Variants in HPN observed in about 807,000 individuals in gnomAD.
The protein encoded by HPN is serine protease hepsin.
A neutral mutation model predicts 55.9 loss-of-function variants in HPN; 13 were observed. That is an observed-to-expected ratio of 0.23 (90% CI 0.15 to 0.37). HPN has a LOEUF of 0.37. HPN is among the 10% of genes least tolerant of loss of function. The pLI is 1.00. For synonymous variants in HPN, 225 were observed against 240.3 expected (o/e 0.94, Z 0.59); for missense variants, 451 against 575.8 (o/e 0.78, Z 2.22).
chr19:35,058,358 T>G (rs1449935339), intron 4 of HPN, among the ~76,000 whole-genome samples: 1 of 148,984 alleles, frequency 6.7e-6, no homozygotes, highest in Non-Finnish European at 1.5e-5. Context: ...TTTTGTAGTT[T>G]TCATAGAGAC....
intron 4 of HPN, among the ~76,000 whole-genome samples, chr19:35,055,645 C>A (rs1462711398): frequency 6.6e-6 from 1 of 151,942 alleles, no homozygotes; most frequent in Non-Finnish European, 1.5e-5. Flanking sequence ...TCCACTGCCC[C>A]CACCCTGCTC....
intron 9 of HPN, among the ~76,000 whole-genome samples, chr19:35,063,184 C>G (rs939211631): frequency 2.0e-5 from 3 of 152,148 alleles, no homozygotes; most frequent in Admixed American, 6.5e-5. Flanking sequence ...GGAAAAGGTC[C>G]CAACCCAAAG....
intron 2 of HPN, among the ~76,000 whole-genome samples, chr19:35,048,082 A>AAAAAGGAAGG (rs1555723025): frequency 3.1e-5 from 3 of 97,034 alleles, no homozygotes; most frequent in South Asian, 3.6e-4. Flanking sequence ...GAAAGAAAGA[A>AAAAAGGAAGG]AAGGAAGGAA....
chr19:35,066,065 G>A, intron 12 of HPN, 33 bp downstream of exon 12: 1 of 1,609,706 alleles, frequency 6.2e-7, no homozygotes, highest in Non-Finnish European at 8.5e-7. Context: ...AGCCAGGGTG[G>A]GGACGTTTGG....
rs761928096 is a variant in HPN, at chr19:35,049,381, C to T, written c.108C>T (p.Ser36=). Residue 36 remains serine, a synonymous_variant, in exon 3 of 13, where the codon TCC becomes TCT. Transcript: ENST00000672452. ...TTCTGACAGCCATCGGGGCGGCATC[C>T]TGGGCCATTGGTGAGAGCGGTTCCT... ...LLLLTAIGAA[S]WAIVAVLLRS... 2 of 1,605,294 alleles carry T rather than the reference C, an allele frequency of 1.2e-6. No individual in the cohort carries two copies. Among genetic ancestry groups the T allele is most frequent in the Non-Finnish European group, 1.7e-6 (2 of 1,174,686 alleles).
chr19:35,052,747 C>T (rs1213100888), intron 4 of HPN, among the ~76,000 whole-genome samples: 19 of 152,122 alleles, frequency 1.2e-4, no homozygotes, highest in African/African-American at 4.1e-4. Context: ...TTACTCCTGG[C>T]GAACTCCAGG....
intron 4 of HPN, 21 bp downstream of exon 4, chr19:35,049,537 C>A: frequency 6.3e-7 from 1 of 1,587,698 alleles, no homozygotes; most frequent in African/African-American, 1.3e-5. Flanking sequence ...CAGGCTGGGA[C>A]CCTCTGGGGG....
rs769972239 is a variant in HPN at position 35,065,341 on chromosome 19, C to T, written c.903C>T (p.Tyr301=). ...CTVTGWGNTQ[Y]YGQQAGVLQE... is the part of the protein sequence containing the mutation. ...TGACGGGCTGGGGCAACACGCAGTACTATGGTGAGTCCTGTCCTCTGCCTC... is the reference window on the plus strand; with the variant it reads ...TGACGGGCTGGGGCAACACGCAGTATTATGGTGAGTCCTGTCCTCTGCCTC... The change falls in exon 10 of 13, where the codon TAC becomes TAT. Residue 301 remains tyrosine, a synonymous_variant. Coordinates refer to ENST00000672452, the MANE Select transcript of HPN (RefSeq NM_001384133.1). 2.5e-6 allele frequency: 4 copies of T among 1,612,502 alleles called. No homozygotes were observed. The East Asian group carries it at 8.9e-5, about 36-fold the overall frequency.
chr19:35,060,567 T>G, intron 8 of HPN, 55 bp downstream of exon 8: 1 of 1,612,068 alleles, frequency 6.2e-7, no homozygotes, highest in Non-Finnish European at 8.5e-7. Flanking sequence ...GGAGAGACAG[T>G]GGGGAGGAGG....
rs752001633 is a variant in HPN, at chr19:35,066,017, C to T, written c.1200C>T (p.Ile400=). 3.7e-6 allele frequency: 6 copies of T among 1,611,316 alleles called. No individual in the cohort carries two copies. In the South Asian group the frequency reaches 6.6e-5, roughly 18 times the overall value. Residue 400 remains isoleucine (I), a synonymous_variant, in exon 12 of 13, where the codon ATC becomes ATT. Coordinates refer to ENST00000672452, the MANE Select transcript of HPN (RefSeq NM_001384133.1). ...AAGTCAGTGACTTCCGGGAGTGGAT[C>T]TTCCAGGCCATAAAGGTGAAAGTTG... is the stretch of plus-strand genomic sequence containing the variant. ...YTKVSDFREW[I]FQAIKTHSEA...
intron 2 of HPN, among the ~76,000 whole-genome samples, chr19:35,046,166 T>C (rs964811797): frequency 1.3e-5 from 2 of 151,874 alleles, no homozygotes; most frequent in African/African-American, 2.4e-5. Flanking sequence ...CCGGCAGTAG[T>C]TGGGCTGGTC....
intron 2 of HPN, among the ~76,000 whole-genome samples, chr19:35,048,082 A>AAGAAAGAAAAGGAAGGAAGG (rs111546288): frequency 2.1e-5 from 2 of 96,984 alleles, no homozygotes; most frequent in African/African-American, 8.0e-5. Context: ...GAAAGAAAGA[A>AAGAAAGAAAAGGAAGGAAGG]AAGGAAGGAA....
chr19:35,061,913 C>G (rs2064538674), intron 9 of HPN, among the ~76,000 whole-genome samples: 1 of 151,982 alleles, frequency 6.6e-6, no homozygotes, highest in African/African-American at 2.4e-5. Context: ...AAAAAATGAG[C>G]TAGGTGTGGT....
intron 2 of HPN, among the ~76,000 whole-genome samples, chr19:35,047,298 CT>C (rs1388889229): frequency 6.6e-6 from 1 of 152,242 alleles, no homozygotes; most frequent in Non-Finnish European, 1.5e-5. Context: ...AGAGAGCCTG[CT>C]TATTCTTGCC....
intron 2 of HPN, among the ~76,000 whole-genome samples, chr19:35,047,037 C>A (rs1360929765): frequency 6.6e-6 from 1 of 152,128 alleles, no homozygotes; most frequent in African/African-American, 2.4e-5. Flanking sequence ...ACCGTGTTAG[C>A]CAGGATGGTC....
At chr19:35,046,276 G>A (rs1436979903) in intron 2 of HPN, among the ~76,000 whole-genome samples, 10 of 150,102 alleles carry the variant, frequency 6.7e-5, no homozygotes, top group Admixed American at 1.3e-4. Context: ...ACAGAGTCTC[G>A]CTCTGTTGCC....
chr19:35,065,745 G>T, intron 11 of HPN, 64 bp downstream of exon 11: 13 of 1,604,724 alleles, frequency 8.1e-6, no homozygotes, highest in Non-Finnish European at 1.1e-5. Context: ...ATGCAGGGGA[G>T]TGGGTGGTCA....
chr19:35,059,949 G>A lies in HPN; in HGVS notation c.366G>A (p.Glu122=). 2.6e-6 allele frequency: 4 copies of A among 1,545,896 alleles called. No homozygotes were observed. In the South Asian group the frequency reaches 5.1e-5, roughly 20 times the overall value. Residue 122 remains glutamate, a synonymous_variant, in exon 6 of 13, where the codon GAG becomes GAA. Transcript: ENST00000672452. ...NGTSGFFCVD[E]GRLPHTQRLL... ...CGTCGGGCTTCTTCTGTGTGGACGA[G>A]GGGAGGCTGCCCCACACCCAGAGGC...
chr19:35,047,539 A>G (rs1352644930), intron 2 of HPN, among the ~76,000 whole-genome samples: 2 of 152,122 alleles, frequency 1.3e-5, no homozygotes, highest in Admixed American at 6.5e-5. Context: ...TTTCCTTGTT[A>G]ATGTCTCCCA....
Sources: gnomAD v4.1 joint callset for allele counts (sites outside exome capture counted in the v4.1 genomes callset) on GRCh38, gnomAD v4.1.1 for gene constraint, MANE v1.5 for transcripts, NCBI Gene and HGNC (gene_info 2026-07-23, HGNC 2026-07-21) for gene names.